FGD6: variants seen among roughly 807,000 people sequenced by gnomAD.
FGD6 encodes FYVE, RhoGEF and PH domain containing 6.
Under a neutral mutation model 149.4 loss-of-function variants are expected in FGD6, and 90 were observed. The observed-to-expected ratio is 0.60, with a 90% CI of 0.51 to 0.72. The LOEUF (loss-of-function observed/expected upper bound fraction) is 0.72. FGD6 is among the 30% of genes least tolerant of loss of function. FGD6 has a pLI of 0.00. For synonymous variants in FGD6, 527 were observed against 584.0 expected (o/e 0.90, Z 1.41); for missense variants, 1,437 against 1,684.8 (o/e 0.85, Z 2.57).
At chr12:95,172,148 G>A (rs1402001320) in intron 3 of FGD6, among the ~76,000 whole-genome samples, 1 of 152,106 alleles carries the variant, frequency 6.6e-6, no homozygotes, top group Non-Finnish European at 1.5e-5. Context: ...GGCTGAGGCG[G>A]GTGGATCACT....
At chr12:95,100,988 C>G (rs1878409860) in intron 14 of FGD6, 1 of 358,282 alleles carries the variant, frequency 2.8e-6, no homozygotes, top group Admixed American at 3.3e-5. Flanking sequence ...GTAGTTATCT[C>G]TCTCCAGCTG....
intron 2 of FGD6, among the ~76,000 whole-genome samples, chr12:95,203,694 A>G (rs2136300396): frequency 6.6e-6 from 1 of 152,342 alleles, no homozygotes; most frequent in South Asian, 2.1e-4. Flanking sequence ...AAATAAATAA[A>G]TCGAGGGTTT....
At position 95,209,930 on chromosome 12, in the gene FGD6, A is replaced by G. The variant is rs2056715453; in HGVS notation, c.1354T>C (p.Ser452Pro). The G allele has an allele frequency of 1.9e-6, 3 of 1,613,400 alleles. No homozygotes were observed. Among genetic ancestry groups the G allele is most frequent in the Non-Finnish European group, 2.5e-6 (3 of 1,179,862 alleles). ...TTGAGCTGCTTAGGCAGGCTCATAGATACAGTACATCTTATAAAACCGGTC... is the reference window on the plus strand; with the variant it reads ...TTGAGCTGCTTAGGCAGGCTCATAGGTACAGTACATCTTATAAAACCGGTC... ...EGTGFIRCTVSMSLPKQLKLT... is the reference protein window; with the variant it reads ...EGTGFIRCTVPMSLPKQLKLT... Residue 452 changes from serine to proline, a missense_variant, in exon 2 of 21, where the codon TCT becomes CCT. Coordinates refer to ENST00000343958, the MANE Select transcript of FGD6 (RefSeq NM_018351.4).
chr12:95,128,643 A>G (rs567966548), intron 8 of FGD6, among the ~76,000 whole-genome samples: 4 of 152,294 alleles, frequency 2.6e-5, no homozygotes, highest in Non-Finnish European at 5.9e-5. Context: ...AGATCAATAC[A>G]ATTTTTAGGA....
chr12:95,150,063 T>C (rs1424180955), intron 5 of FGD6, among the ~76,000 whole-genome samples: 1 of 148,828 alleles, frequency 6.7e-6, no homozygotes, highest in Non-Finnish European at 1.5e-5. Flanking sequence ...GTTTCGCTCT[T>C]GTTGCCCAGG....
chr12:95,166,854 CTTTTT>C (rs60585670), intron 3 of FGD6, among the ~76,000 whole-genome samples: 2 of 107,808 alleles, frequency 1.9e-5, no homozygotes, highest in Admixed American at 1.0e-4. Context: ...GTTCTTTCTA[CTTTTT>C]TTTTTTTTTT....
intron 2 of FGD6, among the ~76,000 whole-genome samples, chr12:95,196,131 C>T (rs184946166): frequency 7.6e-4 from 115 of 152,106 alleles, no homozygotes; most frequent in African/African-American, 2.5e-3. Context: ...CAAAACAAAA[C>T]AAAACAAAAC....
intron 9 of FGD6, among the ~76,000 whole-genome samples, chr12:95,109,479 C>T (rs1387513866): frequency 6.6e-6 from 1 of 152,124 alleles, no homozygotes; most frequent in African/African-American, 2.4e-5. Flanking sequence ...AGCATTCCCA[C>T]TGAGAAAAAC....
intron 14 of FGD6, among the ~76,000 whole-genome samples, chr12:95,103,172 A>G (rs1878504271): frequency 6.6e-6 from 1 of 152,218 alleles, no homozygotes; most frequent in Non-Finnish European, 1.5e-5. Flanking sequence ...GGTTGCTGTG[A>G]AGATGAAACG....
In FGD6 at chr12:95,210,975, A is replaced by G. The variant is rs1265898502; in HGVS notation, c.309T>C (p.Asn103=). ...FNCKYEGNQS[N]DYISPMCSCS... ...AGGAACACATTGGTGAAATATAATC[A>G]TTGCTCTGATTGCCTTCATATTTAC... is the stretch of plus-strand genomic sequence containing the variant. The change falls in exon 2 of 21, where the codon AAT becomes AAC. Residue 103 remains asparagine (N), a synonymous_variant. Transcript: ENST00000343958. 6 of 1,614,074 alleles carry G rather than the reference A, an allele frequency of 3.7e-6. No individual in the cohort carries two copies. Among genetic ancestry groups the G allele is most frequent in the Admixed American group, 1.7e-5 (1 of 59,994 alleles).
chr12:95,183,168 A>G (rs1368826920), intron 2 of FGD6, among the ~76,000 whole-genome samples: 1 of 152,202 alleles, frequency 6.6e-6, no homozygotes, highest in African/African-American at 2.4e-5. Flanking sequence ...TGCCCTTCCC[A>G]CTATGCTTCT....
chr12:95,107,654 C>T, intron 11 of FGD6, 23 bp from the exon 12 acceptor site: 2 of 1,612,100 alleles, frequency 1.2e-6, no homozygotes, highest in Non-Finnish European at 1.7e-6. Flanking sequence ...AACAAACACC[C>T]ATTTAGTCCT....
chr12:95,148,033 A>G (rs1274322165), intron 5 of FGD6, among the ~76,000 whole-genome samples: 1 of 152,104 alleles, frequency 6.6e-6, no homozygotes, highest in African/African-American at 2.4e-5. Flanking sequence ...GCAGCAAAAC[A>G]AAGGTACTCT....
At chr12:95,093,673 T>C (rs1463328644) in intron 15 of FGD6, among the ~76,000 whole-genome samples, 2 of 81,242 alleles carry the variant, frequency 2.5e-5, no homozygotes, top group African/African-American at 1.1e-4. Context: ...CAAAACTCTG[T>C]CTCAAAAAAA....
At chr12:95,194,320 C>G (rs916856884) in intron 2 of FGD6, among the ~76,000 whole-genome samples, 1 of 152,156 alleles carries the variant, frequency 6.6e-6, no homozygotes, top group East Asian at 1.9e-4. Flanking sequence ...ACCACAACCT[C>G]CACCTCCCAG....
rs117547215 is a variant in FGD6 at position 95,204,158 on chromosome 12, G to T, written c.2441+4685C>A. 6.1e-3 allele frequency among the ~76,000 whole-genome samples: 936 copies of T among 152,264 alleles called. 1 individual carries two copies. The highest frequency in any genetic ancestry group is 9.8e-3 in the Non-Finnish European group (668 of 68,010). ...TCACAGTTGCACTACCAACAAAACT[G>T]CCTCTGAGAACCCGGAGCGGTGACT... On this transcript the variant is annotated intron_variant, in intron 2 of 20. Transcript: ENST00000343958.
chr12:95,209,655 ATGC>A lies in FGD6; in HGVS notation c.1626_1628del (p.Gln542del). On this transcript the variant is annotated inframe_deletion, in exon 2 of 21. Coordinates refer to ENST00000343958, the MANE Select transcript of FGD6 (RefSeq NM_018351.4). Reference sequence around the variant, plus strand: ...ACACACCACGGTTTTGGGCACACAAATGCTGAAGGTGATTTCTTTCTAGACTCT... The same window carrying A: ...ACACACCACGGTTTTGGGCACACAAATGAAGGTGATTTCTTTCTAGACTCT... The A allele has an allele frequency of 6.2e-7, 1 of 1,613,256 alleles. No individual in the cohort carries two copies. The highest frequency in any genetic ancestry group is 8.5e-7 in the Non-Finnish European group (1 of 1,179,872).
At position 95,172,642 on chromosome 12, in the gene FGD6, A is replaced by G. The variant is rs758402431; in HGVS notation, c.2544T>C (p.Ser848=). ...INSSDEDDVS[S]ESSKGEPDPL... is the part of the protein sequence containing the mutation. ...GGTCAGGCTCTCCTTTACTTGACTC[A>G]GAGCTGACATCATCTTCATCAGAAC... Residue 848 remains serine (S), a synonymous_variant, in exon 3 of 21, where the codon TCT becomes TCC. Transcript: ENST00000343958. The G allele has an allele frequency of 6.2e-7, 1 of 1,612,854 alleles. No homozygotes were observed. The highest frequency in any genetic ancestry group is 1.7e-5 in the Admixed American group (1 of 59,932).
intron 2 of FGD6, among the ~76,000 whole-genome samples, chr12:95,176,967 ATAGG>A (rs1302435822): frequency 6.6e-6 from 1 of 152,138 alleles, no homozygotes; most frequent in African/African-American, 2.4e-5. Context: ...AGCTGAGACT[ATAGG>A]TGTACGCCAC....
Sources: gnomAD v4.1 joint callset for allele counts (sites outside exome capture counted in the v4.1 genomes callset) on GRCh38, gnomAD v4.1.1 for gene constraint, MANE v1.5 for transcripts, NCBI Gene and HGNC (gene_info 2026-07-23, HGNC 2026-07-21) for gene names.